CALD1: variants seen among roughly 807,000 people sequenced by gnomAD.
CALD1 encodes the protein caldesmon.
Under a neutral mutation model 99.9 loss-of-function variants are expected in CALD1, and 33 were observed. The ratio of observed to expected loss-of-function variants is 0.33; its 90% CI spans 0.25 to 0.44. The LOEUF (loss-of-function observed/expected upper bound fraction) is 0.44, where lower values mean the gene tolerates loss of function less well. CALD1 is among the 20% of genes least tolerant of loss of function. The pLI, the probability that CALD1 is intolerant of heterozygous loss-of-function variation, is 1.00. For missense variants in CALD1, 861 were observed against 962.1 expected, an observed-to-expected ratio of 0.89 and a Z score of 1.39; for synonymous variants, 310 against 325.0, an observed-to-expected ratio of 0.95 and a Z score of 0.50.
chr7:134,927,941 T>C (rs1805164743), intron 3 of CALD1: 1 of 147,740 alleles, frequency 6.8e-6, no homozygotes, highest in Admixed American at 6.8e-5. Flanking sequence ...ATATTTATTA[T>C]AATATAATAT....
rs1808194065 is a variant in CALD1, at chr7:134,960,629, GTAAGTACC to G, written c.2295+3_2295+10del. 1 of 1,591,276 alleles carries G rather than the reference GTAAGTACC, an allele frequency of 6.3e-7. No individual in the cohort carries two copies. Among genetic ancestry groups the G allele is most frequent in the Non-Finnish European group, 8.6e-7 (1 of 1,159,432 alleles). On this transcript the variant is annotated splice_donor_variant and splice_donor_5th_base_variant and intron_variant, in intron 13 of 14. Transcript: ENST00000361675. LOFTEE classifies it high-confidence loss of function. Reference sequence around the variant, plus strand: ...CAAGTCACCTGCTCCCAAACCTTCTGTAAGTACCTTTAGGTTTTTCTGAGTTTCTTTGA... The same window carrying G: ...CAAGTCACCTGCTCCCAAACCTTCTGTTTAGGTTTTTCTGAGTTTCTTTGA...
intron 1 of CALD1, among the ~76,000 whole-genome samples, chr7:134,820,878 A>G (rs2131999721): frequency 6.6e-6 from 1 of 152,328 alleles, no homozygotes; most frequent in South Asian, 2.1e-4. Flanking sequence ...GACTAACAAT[A>G]TAACATATGG....
At chr7:134,782,566 T>C (rs1435750815) in intron 1 of CALD1, among the ~76,000 whole-genome samples, 1 of 152,226 alleles carries the variant, frequency 6.6e-6, no homozygotes, top group Non-Finnish European at 1.5e-5. Context: ...TCTGCTTAAG[T>C]AACCCTGACC....
chr7:134,735,345 T>G, the CALD1 span, among the ~76,000 whole-genome samples: 2,588 of 152,256 alleles, frequency 0.017, 78 homozygotes, highest in African/African-American at 0.057. Context: ...GATGGGAAAG[T>G]TCATTGCATA....
intron 3 of CALD1, among the ~76,000 whole-genome samples, chr7:134,886,963 C>T (rs1483116894): frequency 6.6e-6 from 1 of 152,192 alleles, no homozygotes; most frequent in Non-Finnish European, 1.5e-5. Context: ...AATAGTGCTA[C>T]GCGAAGCAAA....
intron 1 of CALD1, among the ~76,000 whole-genome samples, chr7:134,808,623 C>A (rs1476368688): frequency 6.6e-6 from 1 of 152,190 alleles, no homozygotes; most frequent in Non-Finnish European, 1.5e-5. Flanking sequence ...CCTGTACACA[C>A]AAGGATGGAG....
chr7:134,891,497 C>G (rs1802164816), intron 3 of CALD1: 2 of 1,475,748 alleles, frequency 1.4e-6, no homozygotes, highest in Non-Finnish European at 1.8e-6. Flanking sequence ...ACGGGAGCAT[C>G]CTGCACCGTG....
At chr7:134,794,734 G>A (rs750099159) in intron 1 of CALD1, among the ~76,000 whole-genome samples, 7 of 152,092 alleles carry the variant, frequency 4.6e-5, no homozygotes, top group Admixed American at 2.6e-4. Flanking sequence ...TGATCTGCCC[G>A]CCTCTGCCTC....
intron 1 of CALD1, among the ~76,000 whole-genome samples, chr7:134,759,866 C>T (rs1000228722): frequency 6.6e-6 from 1 of 152,188 alleles, no homozygotes; most frequent in African/African-American, 2.4e-5. Context: ...TGTCAAGCGG[C>T]AATAAATGCC....
At chr7:134,868,485 C>T (rs1340185727) in intron 3 of CALD1, among the ~76,000 whole-genome samples, 1 of 152,124 alleles carries the variant, frequency 6.6e-6, no homozygotes, top group Non-Finnish European at 1.5e-5. Context: ...TTTGATGCGA[C>T]TTAAATCAGA....
intron 6 of CALD1, among the ~76,000 whole-genome samples, chr7:134,939,819 C>G (rs938823690): frequency 6.6e-6 from 1 of 152,094 alleles, no homozygotes; most frequent in Non-Finnish European, 1.5e-5. Flanking sequence ...CAAAAATTAT[C>G]TGGGTGTGGT....
chr7:134,725,542 G>C, the CALD1 span, among the ~76,000 whole-genome samples: 2 of 152,114 alleles, frequency 1.3e-5, no homozygotes, highest in African/African-American at 4.8e-5. Flanking sequence ...TCTAACAGTT[G>C]GTGCTTGACA....
At chr7:134,853,830 G>A (rs1800180027) in intron 2 of CALD1, among the ~76,000 whole-genome samples, 2 of 151,918 alleles carry the variant, frequency 1.3e-5, no homozygotes, top group African/African-American at 4.8e-5. Flanking sequence ...CCTACATTAG[G>A]TATTTCTCCT....
chr7:134,741,990 G>A (rs759560182), upstream of CALD1, among the ~76,000 whole-genome samples: 1 of 148,820 alleles, frequency 6.7e-6, no homozygotes, highest in African/African-American at 2.5e-5. Context: ...GAAAACTGCA[G>A]TAGCACTAGC....
At chr7:134,909,810 T>C (rs1032892557) in intron 3 of CALD1, among the ~76,000 whole-genome samples, 2 of 152,108 alleles carry the variant, frequency 1.3e-5, no homozygotes, top group African/African-American at 4.8e-5. Flanking sequence ...AAGGAGCATA[T>C]GTTGGATAGG....
intron 8 of CALD1, among the ~76,000 whole-genome samples, chr7:134,949,487 A>C (rs978641525): frequency 3.9e-5 from 6 of 152,142 alleles, no homozygotes; most frequent in Non-Finnish European, 5.9e-5. Flanking sequence ...GTCTGTAAAC[A>C]TTTGCAATTG....
intron 1 of CALD1, among the ~76,000 whole-genome samples, chr7:134,804,308 CG>C (rs1008532957): frequency 5.3e-5 from 8 of 152,218 alleles, no homozygotes; most frequent in African/African-American, 1.9e-4. Context: ...ATAATGACTT[CG>C]TTTCTTTTAC....
chr7:134,881,914 C>G (rs1801621457), intron 3 of CALD1, among the ~76,000 whole-genome samples: 1 of 152,160 alleles, frequency 6.6e-6, no homozygotes, highest in African/African-American at 2.4e-5. Context: ...CTGGCTTTAT[C>G]CCAATCAGAA....
intron 1 of CALD1, among the ~76,000 whole-genome samples, chr7:134,809,432 T>C (rs736672): frequency 0.035 from 5,397 of 152,178 alleles, 200 homozygotes; most frequent in East Asian, 0.19. Flanking sequence ...CATTAAAAGA[T>C]AGGGGTGAGG....
Sources: gnomAD v4.1 joint callset for allele counts (sites outside exome capture counted in the v4.1 genomes callset) on GRCh38, gnomAD v4.1.1 for gene constraint, MANE v1.5 for transcripts, NCBI Gene and HGNC (gene_info 2026-07-23, HGNC 2026-07-21) for gene names.